CNTLN: variants seen among roughly 807,000 people sequenced by gnomAD.
CNTLN encodes centlein.
A neutral mutation model predicts 180.0 loss-of-function variants in CNTLN; 212 were observed. That is an observed-to-expected ratio of 1.18 (90% CI 1.05 to 1.32). The LOEUF (loss-of-function observed/expected upper bound fraction) is 1.32. Ranked by LOEUF, CNTLN falls within the 40% of genes most tolerant of loss-of-function variation. The pLI is 0.00. For synonymous variants in CNTLN, 722 were observed against 563.1 expected (o/e 1.28, Z -3.99); for missense variants, 2,095 against 1,610.9 (o/e 1.30, Z -5.14).
intron 25 of CNTLN, among the ~76,000 whole-genome samples, chr9:17,500,965 A>C (rs1833722267): frequency 6.6e-6 from 1 of 152,204 alleles, no homozygotes; most frequent in Admixed American, 6.5e-5. Context: ...ATTAAAGCGT[A>C]CTGCTTTTAT....
At chr9:17,237,354 T>TACACACACACAC (rs59168012) in intron 5 of CNTLN, among the ~76,000 whole-genome samples, 16 of 106,462 alleles carry the variant, frequency 1.5e-4, no homozygotes, top group African/African-American at 3.5e-4. Context: ...TATATGCCCC[T>TACACACACACAC]ACACACACAC....
chr9:17,438,774 C>T (rs1444115167), intron 18 of CNTLN, among the ~76,000 whole-genome samples: 1 of 152,012 alleles, frequency 6.6e-6, no homozygotes, highest in East Asian at 1.9e-4. Context: ...ATGTAGATGG[C>T]ATTTAAAAAT....
At chr9:17,511,654 A>T in the CNTLN span, among the ~76,000 whole-genome samples, 10 of 147,584 alleles carry the variant, frequency 6.8e-5, no homozygotes, top group African/African-American at 1.7e-4. Context: ...TCTCTCACAC[A>T]CACACACACA....
chr9:17,384,264 TG>T, intron 13 of CNTLN, among the ~76,000 whole-genome samples: 1 of 145,114 alleles, frequency 6.9e-6, no homozygotes, highest in South Asian at 2.2e-4. Context: ...GCCTATTTAT[TG>T]GGTGTAATTT....
At chr9:17,307,576 C>T (rs1356291473) in intron 7 of CNTLN, among the ~76,000 whole-genome samples, 1 of 148,576 alleles carries the variant, frequency 6.7e-6, no homozygotes, top group Non-Finnish European at 1.5e-5. Context: ...GCCAGAGATA[C>T]ATTTTTTTTT....
At chr9:17,459,045 C>A (rs1394228668) in intron 19 of CNTLN, among the ~76,000 whole-genome samples, 3 of 151,656 alleles carry the variant, frequency 2.0e-5, no homozygotes, top group African/African-American at 4.8e-5. Flanking sequence ...ATATTTAAGT[C>A]CTCATGATTC....
At chr9:17,436,498 C>T (rs1048467408) in intron 18 of CNTLN, among the ~76,000 whole-genome samples, 7 of 152,158 alleles carry the variant, frequency 4.6e-5, no homozygotes, top group Non-Finnish European at 1.0e-4. Context: ...AGAGCACAGC[C>T]CATTCAACAA....
intron 8 of CNTLN, among the ~76,000 whole-genome samples, chr9:17,327,300 C>G (rs1225657354): frequency 3.0e-5 from 1 of 33,188 alleles, no homozygotes; most frequent in Non-Finnish European, 9.1e-5. Flanking sequence ...CAAACTCCGC[C>G]TCCCAGGTTC....
Position 17,294,315 on chromosome 9 carries a change from G to T in CNTLN, c.984-3875G>T, listed in dbSNP as rs1817635453. Among the ~76,000 whole-genome samples, 4 of 151,986 alleles carry T rather than the reference G, an allele frequency of 2.6e-5. No homozygotes were observed. In the South Asian group the frequency reaches 8.3e-4, roughly 32 times the overall value. On this transcript the variant is annotated intron_variant, in intron 6 of 25. Coordinates refer to ENST00000380647, the MANE Select transcript of CNTLN (RefSeq NM_017738.4). Reference sequence around the variant, plus strand: ...TGGCCCCACCCACATCCTGCTGATTGGTCCATTTTACAGAGAGCCGATTGG... The same window carrying T: ...TGGCCCCACCCACATCCTGCTGATTTGTCCATTTTACAGAGAGCCGATTGG...
intron 15 of CNTLN, among the ~76,000 whole-genome samples, chr9:17,399,666 A>T (rs576398921): frequency 8.3e-4 from 127 of 152,286 alleles, no homozygotes; most frequent in African/African-American, 2.9e-3. Flanking sequence ...ATAACAACTG[A>T]TGGGGTTCAG....
chr9:17,255,236 G>A (rs1421995644), intron 5 of CNTLN, among the ~76,000 whole-genome samples: 1 of 151,688 alleles, frequency 6.6e-6, no homozygotes, highest in Admixed American at 6.6e-5. Context: ...AATAGGAGTG[G>A]TGAGAGTGGG....
intron 2 of CNTLN, among the ~76,000 whole-genome samples, chr9:17,214,672 C>A (rs1823600504): frequency 6.6e-6 from 1 of 152,076 alleles, no homozygotes; most frequent in African/African-American, 2.4e-5. Flanking sequence ...TTCCATTGTC[C>A]CCATCATTTT....
intron 12 of CNTLN, among the ~76,000 whole-genome samples, chr9:17,345,193 A>G (rs1821785144): frequency 6.6e-6 from 1 of 152,166 alleles, no homozygotes; most frequent in South Asian, 2.1e-4. Flanking sequence ...TGTGAACATA[A>G]CTTTTATTTT....
chr9:17,293,018 C>T (rs185089479), intron 6 of CNTLN, among the ~76,000 whole-genome samples: 7 of 152,256 alleles, frequency 4.6e-5, no homozygotes, highest in African/African-American at 9.6e-5. Context: ...CATTCAGGCC[C>T]CTCTTCCGGA....
Position 17,235,655 on chromosome 9 carries a change from CAGAG to C in CNTLN, c.537_540del (p.Arg179SerfsTer4). 6.4e-7 allele frequency: 1 copy of C among 1,558,500 alleles called. No homozygotes were observed. Among genetic ancestry groups the C allele is most frequent in the South Asian group, 1.2e-5 (1 of 81,162 alleles). On this transcript the variant is annotated splice_acceptor_variant and coding_sequence_variant, in exon 4 of 26. Transcript: ENST00000380647. LOFTEE classifies it high-confidence loss of function. ...CACCAGTAATTTAAATTTTTTTCCA[CAGAG>C]AGAGTCAGTACTGAAACAGGAAATA...
chr9:17,427,962 C>T (rs1829195782), intron 18 of CNTLN, among the ~76,000 whole-genome samples: 1 of 152,266 alleles, frequency 6.6e-6, no homozygotes, highest in East Asian at 1.9e-4. Context: ...TGGTTTTACT[C>T]TCATGGAGCT....
chr9:17,499,020 C>T (rs1039396282), intron 25 of CNTLN, among the ~76,000 whole-genome samples: 2 of 152,150 alleles, frequency 1.3e-5, no homozygotes, highest in Non-Finnish European at 2.9e-5. Context: ...AATAAATATG[C>T]ATTTAATCTG....
chr9:17,236,652 A>G lies in CNTLN; in HGVS notation c.849+64A>G, dbSNP rs1393331132. 1.1e-5 allele frequency: 14 copies of G among 1,322,380 alleles called. No homozygotes were observed. The East Asian group carries it at 3.3e-4, about 31-fold the overall frequency. The allele number at this position is 1,322,380 out of a possible 1,614,324, so 81.9% of individuals were successfully genotyped here. Reference sequence around the variant, plus strand: ...TCTAACTTTTTCTAGGAAGTTTAATACATGTTATTTTCTTTAACAACTTAT... The same window carrying G: ...TCTAACTTTTTCTAGGAAGTTTAATGCATGTTATTTTCTTTAACAACTTAT... On this transcript the variant is annotated intron_variant, in intron 5 of 25. Transcript: ENST00000380647.
intron 7 of CNTLN, among the ~76,000 whole-genome samples, chr9:17,308,096 A>G (rs1308553491): frequency 6.6e-6 from 1 of 151,948 alleles, no homozygotes; most frequent in African/African-American, 2.4e-5. Context: ...ACTACCAGAG[A>G]TTGGATTATA....
Sources: gnomAD v4.1 joint callset for allele counts (sites outside exome capture counted in the v4.1 genomes callset) on GRCh38, gnomAD v4.1.1 for gene constraint, MANE v1.5 for transcripts, NCBI Gene and HGNC (gene_info 2026-07-23, HGNC 2026-07-21) for gene names.